Variants in KAT6B observed in about 807,000 individuals in gnomAD.
KAT6B encodes the protein histone acetyltransferase KAT6B.
Under a neutral mutation model 187.5 loss-of-function variants are expected in KAT6B, and 10 were observed. The ratio of observed to expected loss-of-function variants is 0.05; its 90% CI spans 0.03 to 0.09. KAT6B has a LOEUF of 0.09. Among genes scored for constraint, KAT6B ranks in the 10% least tolerant of loss-of-function variants. The pLI is 1.00. For missense variants in KAT6B, 1,952 were observed against 2,558.9 expected (o/e 0.76, Z 5.12); for synonymous variants, 861 against 926.8 (o/e 0.93, Z 1.29).
At chr10:74,958,352 G>C (rs139709653) in intron 3 of KAT6B, among the ~76,000 whole-genome samples, 2 of 152,318 alleles carry the variant, frequency 1.3e-5, no homozygotes, top group East Asian at 1.9e-4. Context: ...TGTATATTTA[G>C]AGAGTTAGAC....
intron 4 of KAT6B, among the ~76,000 whole-genome samples, chr10:74,961,380 A>G (rs534188311): frequency 1.3e-5 from 2 of 152,274 alleles, no homozygotes; most frequent in South Asian, 4.1e-4. Flanking sequence ...TCACTTGTCT[A>G]GGGTTTACCC....
intron 3 of KAT6B, among the ~76,000 whole-genome samples, chr10:74,949,062 G>A (rs1382687214): frequency 6.6e-6 from 1 of 152,128 alleles, no homozygotes; most frequent in African/African-American, 2.4e-5. Context: ...TTTTAAAAAG[G>A]AATGACTAAA....
chr10:75,014,275 G>A (rs564758336), intron 13 of KAT6B, among the ~76,000 whole-genome samples: 3 of 152,172 alleles, frequency 2.0e-5, no homozygotes, highest in Non-Finnish European at 4.4e-5. Context: ...GAGAGTTTGA[G>A]ACCAGCCTGG....
At chr10:74,990,344 C>T (rs1284942160) in intron 13 of KAT6B, among the ~76,000 whole-genome samples, 1 of 151,018 alleles carries the variant, frequency 6.6e-6, no homozygotes. Context: ...ACATCAGATG[C>T]AAAAACCACA....
At chr10:74,897,695 A>G (rs1174114265) in intron 3 of KAT6B, among the ~76,000 whole-genome samples, 8 of 152,200 alleles carry the variant, frequency 5.3e-5, no homozygotes, top group Admixed American at 2.0e-4. Flanking sequence ...CTTGATTTTT[A>G]AATACTTTCA....
chr10:74,946,094 TAATG>T (rs1403942370), intron 3 of KAT6B, among the ~76,000 whole-genome samples: 1 of 152,232 alleles, frequency 6.6e-6, no homozygotes, highest in Non-Finnish European at 1.5e-5. Flanking sequence ...AGGTTTTAAA[TAATG>T]AATCATTTTC....
At chr10:74,958,067 T>C (rs577533788) in intron 3 of KAT6B, among the ~76,000 whole-genome samples, 1 of 152,224 alleles carries the variant, frequency 6.6e-6, no homozygotes, top group African/African-American at 2.4e-5. Context: ...GGGAAGATAA[T>C]GAATGCCCTT....
intron 3 of KAT6B, among the ~76,000 whole-genome samples, chr10:74,860,416 A>G (rs1448835514): frequency 6.6e-6 from 1 of 152,244 alleles, no homozygotes; most frequent in Admixed American, 6.5e-5. Context: ...TTTAATATAT[A>G]CAATATAATT....
At chr10:74,956,689 C>T (rs1363451098) in intron 3 of KAT6B, among the ~76,000 whole-genome samples, 3 of 152,144 alleles carry the variant, frequency 2.0e-5, no homozygotes, top group Non-Finnish European at 4.4e-5. Context: ...TGCTCAATTT[C>T]TTTTCTAAAA....
At chr10:75,006,671 C>T (rs1197105763) in intron 13 of KAT6B, among the ~76,000 whole-genome samples, 6 of 151,990 alleles carry the variant, frequency 3.9e-5, no homozygotes, top group African/African-American at 1.2e-4. Context: ...TGAACTCCTG[C>T]GCTCAAGCGA....
intron 13 of KAT6B, among the ~76,000 whole-genome samples, chr10:75,004,040 G>A (rs1487941589): frequency 2.0e-5 from 3 of 149,886 alleles, no homozygotes; most frequent in African/African-American, 7.3e-5. Context: ...TCAAGTTTTG[G>A]CATGCAGGTG....
chr10:75,000,581 T>C (rs1159509724), intron 13 of KAT6B, among the ~76,000 whole-genome samples: 1 of 152,156 alleles, frequency 6.6e-6, no homozygotes, highest in Non-Finnish European at 1.5e-5. Flanking sequence ...TCTATAGTTT[T>C]TAGAGACCAG....
chr10:74,918,960 G>GTA (rs907710979), intron 3 of KAT6B, among the ~76,000 whole-genome samples: 1 of 152,090 alleles, frequency 6.6e-6, no homozygotes, highest in Non-Finnish European at 1.5e-5. Flanking sequence ...GCTCACGCTT[G>GTA]TAATCCTAGC....
At chr10:74,828,712 C>T (rs902843823) in intron 1 of KAT6B, among the ~76,000 whole-genome samples, 12 of 151,706 alleles carry the variant, frequency 7.9e-5, no homozygotes, top group Non-Finnish European at 4.4e-5. Context: ...GGACTACAGG[C>T]GCCTGCCACC....
intron 4 of KAT6B, among the ~76,000 whole-genome samples, chr10:74,962,200 T>C (rs1841145240): frequency 6.6e-6 from 1 of 152,210 alleles, no homozygotes; most frequent in South Asian, 2.1e-4. Context: ...ATCTGATAAA[T>C]CAGAAGAATA....
At chr10:74,826,957 G>A (rs891222477) in intron 1 of KAT6B, among the ~76,000 whole-genome samples, 172 bp downstream of exon 1, 2 of 147,616 alleles carry the variant, frequency 1.4e-5, no homozygotes, top group Non-Finnish European at 1.5e-5. Context: ...GGGGGCGGGG[G>A]AAAGGGGAGG....
intron 3 of KAT6B, among the ~76,000 whole-genome samples, chr10:74,876,246 T>C (rs72803420): frequency 0.01 from 1,541 of 152,254 alleles, 11 homozygotes; most frequent in Non-Finnish European, 0.017. Flanking sequence ...TTTTAAACTA[T>C]GGCAGTAGAA....
At chr10:74,945,718 G>A (rs1309046226) in intron 3 of KAT6B, among the ~76,000 whole-genome samples, 3 of 152,008 alleles carry the variant, frequency 2.0e-5, no homozygotes, top group Non-Finnish European at 4.4e-5. Flanking sequence ...CCAAAGTGCT[G>A]GGATTACAGG....
At chr10:74,932,625 C>T (rs1224243380) in intron 3 of KAT6B, among the ~76,000 whole-genome samples, 1 of 152,186 alleles carries the variant, frequency 6.6e-6, no homozygotes, top group Non-Finnish European at 1.5e-5. Flanking sequence ...GGGAGGGCCT[C>T]ATTAGAAAAT....
Sources: gnomAD v4.1 joint callset for allele counts (sites outside exome capture counted in the v4.1 genomes callset) on GRCh38, gnomAD v4.1.1 for gene constraint, MANE v1.5 for transcripts, NCBI Gene and HGNC (gene_info 2026-07-23, HGNC 2026-07-21) for gene names.